Variants in FAM186B observed in about 807,000 individuals in gnomAD.
FAM186B encodes the protein family with sequence similarity 186 member B.
Under a neutral mutation model 83.4 loss-of-function variants are expected in FAM186B, and 68 were observed. The ratio of observed to expected loss-of-function variants is 0.81; its 90% confidence interval spans 0.67 to 1.00. The LOEUF is 1.00. Among genes scored for constraint, FAM186B ranks in the 50% least tolerant of loss-of-function variants. The pLI, the probability that FAM186B is intolerant of heterozygous loss-of-function variation, is 0.00. For missense variants in FAM186B, 983 were observed against 1,099.2 expected (o/e 0.89, Z 1.49); for synonymous variants, 389 against 422.0 (o/e 0.92, Z 0.96).
At chr12:49,605,945 G>C (rs1475402106), upstream of FAM186B, among the ~76,000 whole-genome samples, 3 of 151,384 alleles carry the variant, frequency 2.0e-5, no homozygotes, top group Non-Finnish European at 4.4e-5. Context: ...TGTATTTTTA[G>C]TAAAGACGGG....
At chr12:49,596,901 A>G (rs189706733) in intron 5 of FAM186B, among the ~76,000 whole-genome samples, 2 of 152,374 alleles carry the variant, frequency 1.3e-5, no homozygotes, top group Admixed American at 1.3e-4. Context: ...GACCAATGAA[A>G]GAAACTCTGG....
At chr12:49,612,318 A>G in the FAM186B span, among the ~76,000 whole-genome samples, 29 of 152,244 alleles carry the variant, frequency 1.9e-4, no homozygotes, top group African/African-American at 6.7e-4. Context: ...TTTCTTCAAA[A>G]AGAGCAAGGG....
At position 49,603,361 on chromosome 12, in the gene FAM186B, G is replaced by T. The variant is rs764871601; in HGVS notation, c.329C>A (p.Thr110Asn). The part of the protein sequence containing the change: ...ILRWLGDWGD[T>N]LTYEIGPRKS... Reference sequence around the variant, plus strand: ...CCTGGGCCCAATCTCATAGGTCAGAGTGTCACCTGGAGAAGGGATGGGAGG... The same window carrying T: ...CCTGGGCCCAATCTCATAGGTCAGATTGTCACCTGGAGAAGGGATGGGAGG... Residue 110 changes from threonine (T) to asparagine (N), a missense_variant, in exon 3 of 7, where the codon ACT becomes AAT. Transcript: ENST00000257894. The T allele has an allele frequency of 1.2e-6, 2 of 1,614,044 alleles. No individual in the cohort carries two copies. The highest frequency in any genetic ancestry group is 2.7e-5 in the African/African-American group (2 of 74,914).
At chr12:49,584,726 C>G, downstream of FAM186B, 2 of 667,632 alleles carry the variant, frequency 3.0e-6, no homozygotes, top group Non-Finnish European at 5.5e-6. Context: ...GAGCTGAGCC[C>G]AGACTCAGCC....
chr12:49,614,231 A>G, the FAM186B span, among the ~76,000 whole-genome samples: 1 of 152,224 alleles, frequency 6.6e-6, no homozygotes, highest in Admixed American at 6.5e-5. Flanking sequence ...TATACACCCA[A>G]AAGAAAATAA....
chr12:49,612,879 T>C, the FAM186B span, among the ~76,000 whole-genome samples: 1 of 152,086 alleles, frequency 6.6e-6, no homozygotes, highest in Admixed American at 6.5e-5. Context: ...ACCTGACCAA[T>C]TGGACCTAAT....
chr12:49,619,600 A>G, the FAM186B span: 1 of 673,794 alleles, frequency 1.5e-6, no homozygotes, highest in East Asian at 3.0e-5. Flanking sequence ...AATTCTGGGC[A>G]AAACCTACAC....
At chr12:49,614,029 A>T in the FAM186B span, among the ~76,000 whole-genome samples, 71 of 151,830 alleles carry the variant, frequency 4.7e-4, 3 homozygotes, top group Non-Finnish European at 4.4e-5. Flanking sequence ...GGGTGGCTGT[A>T]ATCCCAGCTA....
In FAM186B at chr12:49,604,369, T is replaced by A; in HGVS notation, c.266A>T (p.Asp89Val). The change falls in exon 2 of 7, where the codon GAT (aspartate) becomes GTT (valine). Residue 89 changes from aspartate (D) to valine (V), a missense_variant. By Grantham distance (152) the Asp-to-Val change is radical. Transcript: ENST00000257894. ...CAGGTGCTTCTCCTTCATCATAGCA[T>A]CTTTGGAGAAGGAGGCAATTTTTTC... ...LLEKIASFSK[D>V]AMMKEKHLYD... 6.2e-7 allele frequency: 1 copy of A among 1,614,256 alleles called. No homozygotes were observed. Among genetic ancestry groups the A allele is most frequent in the Non-Finnish European group, 8.5e-7 (1 of 1,180,050 alleles).
At position 49,599,537 on chromosome 12, in the gene FAM186B, C is replaced by G; in HGVS notation, c.2103G>C (p.Glu701Asp). ...KALELTTTTMELGALRLQYLC... is the reference protein window; with the variant it reads ...KALELTTTTMDLGALRLQYLC... ...GGTACTGCAGCCTGAGCGCGCCCAG[C>G]TCCATGGTGGTGGTGGTGAGCTCCA... The change falls in exon 4 of 7, where the codon GAG becomes GAC. Residue 701 changes from glutamate (E) to aspartate (D), a missense_variant. Transcript: ENST00000257894. 6.2e-7 allele frequency: 1 copy of G among 1,606,232 alleles called. No individual in the cohort carries two copies. The highest frequency in any genetic ancestry group is 8.5e-7 in the Non-Finnish European group (1 of 1,176,714).
chr12:49,594,357 T>TC, intron 5 of FAM186B: 1 of 159,102 alleles, frequency 6.3e-6, no homozygotes, highest in Non-Finnish European at 1.4e-5. Flanking sequence ...ATATAGTAGA[T>TC]CCCCCTTATC....
chr12:49,612,235 G>A, the FAM186B span, among the ~76,000 whole-genome samples: 4 of 152,120 alleles, frequency 2.6e-5, no homozygotes, highest in African/African-American at 7.2e-5. Flanking sequence ...CTGTCTTCAA[G>A]AGGCCCATCT....
chr12:49,604,188 T>C, intron 2 of FAM186B, 125 bp downstream of exon 2: 1 of 705,276 alleles, frequency 1.4e-6, no homozygotes, highest in Middle Eastern at 4.0e-4. Context: ...AGCATGGAGG[T>C]GATGTGCTGT....
chr12:49,611,037 C>T, the FAM186B span, among the ~76,000 whole-genome samples: 198 of 151,558 alleles, frequency 1.3e-3, no homozygotes, highest in South Asian at 0.011. Flanking sequence ...GCCAGGAGTT[C>T]GAGACCAGCC....
rs772306248 is a variant in FAM186B, at chr12:49,599,656, A to G, written c.1984T>C (p.Tyr662His). ...ISPANIKKKVYHMDMEAQRKN... is the reference protein window; with the variant it reads ...ISPANIKKKVHHMDMEAQRKN... ...CTCTGGGCCTCCATGTCCATGTGGT[A>G]CACCTTCTTCTTAATATTTGCAGGG... The change falls in exon 4 of 7, where the codon TAC (tyrosine) becomes CAC (histidine). Residue 662 changes from tyrosine to histidine, a missense_variant. By Grantham distance (83) the Tyr-to-His change is moderately conservative. Transcript: ENST00000257894. 6.2e-7 allele frequency: 1 copy of G among 1,606,332 alleles called. No homozygotes were observed. The highest frequency in any genetic ancestry group is 1.1e-5 in the South Asian group (1 of 89,726).
chr12:49,584,970 C>CTGTTCATG (rs1939409096), downstream of FAM186B, among the ~76,000 whole-genome samples: 1 of 152,016 alleles, frequency 6.6e-6, no homozygotes, highest in Non-Finnish European at 1.5e-5. Context: ...CTGTGTGAGT[C>CTGTTCATG]TGTTCATGTG....
chr12:49,604,338 G>A lies in FAM186B; in HGVS notation c.297C>T (p.Asp99=), dbSNP rs373114391. ...DAMMKEKHLY[D]ILRWLGDWGD... is the part of the protein sequence containing the mutation. Reference sequence around the variant, plus strand: ...CCCAGTCACCCAGCCAGCGGAGAATGTCATACAGGTGCTTCTCCTTCATCA... The same window carrying A: ...CCCAGTCACCCAGCCAGCGGAGAATATCATACAGGTGCTTCTCCTTCATCA... Residue 99 remains aspartate (D), a synonymous_variant, in exon 2 of 7, where the codon GAC becomes GAT. Coordinates refer to ENST00000257894, the MANE Select transcript of FAM186B (RefSeq NM_032130.3). 1.2e-6 allele frequency: 2 copies of A among 1,614,088 alleles called. No individual in the cohort carries two copies. Among genetic ancestry groups the A allele is most frequent in the African/African-American group, 2.7e-5 (2 of 74,946 alleles).
At chr12:49,604,212 G>T (rs1002951650) in intron 2 of FAM186B, 101 bp downstream of exon 2, 2 of 883,672 alleles carry the variant, frequency 2.3e-6, no homozygotes, top group Non-Finnish European at 3.6e-6. Flanking sequence ...ACGAGTGGTG[G>T]AATGCTTCAC....
At chr12:49,583,281 T>G (rs1592538834), downstream of FAM186B, 1 of 336,274 alleles carries the variant, frequency 3.0e-6, no homozygotes, top group East Asian at 7.5e-5. Flanking sequence ...TTCTTCTCTG[T>G]GCATTCTGAT....
Sources: allele counts gnomAD v4.1 joint callset (sites outside exome capture counted in the v4.1 genomes callset), GRCh38; gene constraint gnomAD v4.1.1; transcripts MANE v1.5; gene names NCBI Gene and HGNC (gene_info 2026-07-23, HGNC 2026-07-21).